POPDC2: variants seen among roughly 807,000 people sequenced by gnomAD.
POPDC2 encodes the protein popeye domain cAMP effector 2, also known as popeye domain-containing protein 2.
POPDC2 carries 24 observed loss-of-function variants against 30.5 expected under a neutral mutation model. The ratio of observed to expected loss-of-function variants is 0.79; its 90% confidence interval spans 0.57 to 1.11. The LOEUF (loss-of-function observed/expected upper bound fraction) is 1.11. POPDC2 is among the 50% of genes least tolerant of loss of function. The pLI is 0.00. For synonymous variants in POPDC2, 185 were observed against 183.3 expected, an observed-to-expected ratio of 1.01 and a Z score of -0.07; for missense variants, 409 against 447.0, an observed-to-expected ratio of 0.91 and a Z score of 0.77.
chr3:119,650,173 G>A (rs986153369), intron 2 of POPDC2, among the ~76,000 whole-genome samples: 2 of 152,254 alleles, frequency 1.3e-5, no homozygotes, highest in East Asian at 1.9e-4. Context: ...CAAGAACTAC[G>A]CCGAATGTAA....
In POPDC2 at chr3:119,642,423, T is replaced by C; in HGVS notation, c.*182A>G. ...GAGGCATGCCTATCAGTGGCCATTCTGTGAACACAGAAGAGAGCTGCGCTG... is the reference window on the plus strand; with the variant it reads ...GAGGCATGCCTATCAGTGGCCATTCCGTGAACACAGAAGAGAGCTGCGCTG... On this transcript the variant is annotated 3_prime_UTR_variant, in exon 4 of 4. Transcript: ENST00000493094. The C allele has an allele frequency of 1.5e-6, 2 of 1,324,240 alleles. No homozygotes were observed. Among genetic ancestry groups the C allele is most frequent in the Admixed American group, 3.5e-5 (2 of 57,302 alleles). 82.0% of individuals were successfully genotyped at this position (1,324,240 alleles called of 1,614,324 possible). A position where few individuals can be genotyped will look rare whatever the true frequency, so the allele number is the denominator to read the frequency against.
At position 119,644,196 on chromosome 3, in the gene POPDC2, T is replaced by C. The variant is rs145470020; in HGVS notation, c.*44-1635A>G. Among the ~76,000 whole-genome samples the C allele has an allele frequency of 3.3e-5, 5 of 152,300 alleles. No individual in the cohort carries two copies. The East Asian group carries it at 5.8e-4, about 18-fold the overall frequency. The stretch of plus-strand genomic sequence containing the variant: ...GTTCATCATTTGCTTATTTAAATAA[T>C]AGGGAGAAAAGAAACAGTATAGTTT... On this transcript the variant is annotated intron_variant, in intron 3 of 3. Transcript: ENST00000493094.
intron 1 of POPDC2, among the ~76,000 whole-genome samples, chr3:119,658,779 A>AAG (rs1459798168): frequency 2.6e-5 from 4 of 152,170 alleles, no homozygotes; most frequent in African/African-American, 9.7e-5. Flanking sequence ...AAATCAAAAC[A>AAG]TATATACATG....
At chr3:119,644,522 A>G (rs1257345806) in intron 3 of POPDC2, among the ~76,000 whole-genome samples, 1 of 152,212 alleles carries the variant, frequency 6.6e-6, no homozygotes, top group East Asian at 1.9e-4. Context: ...GAGAAGCAGC[A>G]CCCATTTTTT....
At position 119,660,426 on chromosome 3, in the gene POPDC2, T is replaced by C. The variant is rs775789800; in HGVS notation, c.-3A>G. The C allele has an allele frequency of 6.8e-6, 11 of 1,608,480 alleles. No homozygotes were observed. Among genetic ancestry groups the C allele is most frequent in the Admixed American group, 3.3e-5 (2 of 59,766 alleles). On this transcript the variant is annotated 5_prime_UTR_variant, in exon 1 of 4. Transcript: ENST00000493094. Reference sequence around the variant, plus strand: ...ACTCTGCTGCTGTTGGCGCTCATCTTTGGGGCCTCTCAAAGCCTCACTGGG... The same window carrying C: ...ACTCTGCTGCTGTTGGCGCTCATCTCTGGGGCCTCTCAAAGCCTCACTGGG...
At chr3:119,646,275 A>T (rs1317703622) in intron 3 of POPDC2, among the ~76,000 whole-genome samples, 1 of 152,208 alleles carries the variant, frequency 6.6e-6, no homozygotes. Flanking sequence ...AAAATGGAAG[A>T]AAACAAGAGA....
chr3:119,651,256 C>T (rs2052804731), intron 2 of POPDC2, among the ~76,000 whole-genome samples: 2 of 152,138 alleles, frequency 1.3e-5, no homozygotes, highest in Admixed American at 6.5e-5. Flanking sequence ...TCACAGACCT[C>T]ACCTGTCATC....
chr3:119,648,062 C>CT, intron 3 of POPDC2, 57 bp downstream of exon 3: 1 of 1,337,230 alleles, frequency 7.5e-7, no homozygotes, highest in African/African-American at 1.5e-5. Context: ...CCCTAACAAG[C>CT]TGAGTTAAGG....
chr3:119,645,566 CAA>C (rs201320482), intron 3 of POPDC2, among the ~76,000 whole-genome samples: 9 of 115,378 alleles, frequency 7.8e-5, no homozygotes, highest in East Asian at 2.9e-4. Flanking sequence ...CCGTCTCAAA[CAA>C]AAAAAAAAAA....
At chr3:119,644,983 G>C (rs1034185503) in intron 3 of POPDC2, among the ~76,000 whole-genome samples, 10 of 152,206 alleles carry the variant, frequency 6.6e-5, no homozygotes, top group Non-Finnish European at 1.3e-4. Context: ...AAAACTATCA[G>C]AAGTTTGGCT....
Position 119,648,525 on chromosome 3 carries a change from G to A in POPDC2, c.744C>T (p.Leu248=), listed in dbSNP as rs2052770785. ...GYDISEKLYT[L]NDKLFAKFGL... ...CAAACTTAGCAAAGAGCTTGTCATT[G>A]AGAGTGTAGAGCTTCTCTGAGATGT... is the stretch of plus-strand genomic sequence containing the variant. Residue 248 remains leucine (L), a synonymous_variant, in exon 3 of 4, where the codon CTC becomes CTT. Coordinates refer to ENST00000493094, the MANE Select transcript of POPDC2 (RefSeq NM_001369919.2). 1 of 1,614,042 alleles carries A rather than the reference G, an allele frequency of 6.2e-7. No homozygotes were observed. The highest frequency in any genetic ancestry group is 8.5e-7 in the Non-Finnish European group (1 of 1,180,030).
intron 3 of POPDC2, 27 bp downstream of exon 3, chr3:119,648,092 T>C: frequency 1.4e-6 from 2 of 1,428,804 alleles, no homozygotes; most frequent in Non-Finnish European, 1.8e-6. Flanking sequence ...GACAGGAATG[T>C]GCAGCGGCTG....
rs752956506 is a variant in POPDC2 at position 119,660,373 on chromosome 3, C to G, written c.51G>C (p.Ala17=). Residue 17 remains alanine, a synonymous_variant, in exon 1 of 4, where the codon GCG becomes GCC. Transcript: ENST00000493094. ...RVGQLLLQGS[A]CIRWKQDVEG... is the part of the protein sequence containing the mutation. ...CCACATCCTGCTTCCACCTAATGCA[C>G]GCTGAACCCTGCAAGAGAAGCTGGC... The G allele has an allele frequency of 8.7e-6, 14 of 1,613,962 alleles. No individual in the cohort carries two copies. Among genetic ancestry groups the G allele is most frequent in the African/African-American group, 1.3e-5 (1 of 74,918 alleles).
chr3:119,657,785 C>T (rs79697144), intron 1 of POPDC2, among the ~76,000 whole-genome samples: 3,230 of 152,292 alleles, frequency 0.021, 44 homozygotes, highest in Middle Eastern at 0.071. Context: ...TCATCTGTTT[C>T]TTCTTCCTTC....
In POPDC2 at chr3:119,642,150, C is replaced by T. The variant is rs1223421068; in HGVS notation, c.*455G>A. On this transcript the variant is annotated 3_prime_UTR_variant, in exon 4 of 4. Coordinates refer to ENST00000493094, the MANE Select transcript of POPDC2 (RefSeq NM_001369919.2). Reference sequence around the variant, plus strand: ...AACTCATTGGATCCTCACAACAACCCTGTGAGGTGGGTTTCATAACCCCCA... The same window carrying T: ...AACTCATTGGATCCTCACAACAACCTTGTGAGGTGGGTTTCATAACCCCCA... 5.0e-6 allele frequency: 1 copy of T among 200,016 alleles called. No homozygotes were observed. The highest frequency in any genetic ancestry group is 1.0e-5 in the Non-Finnish European group (1 of 96,264). 12.4% of individuals were successfully genotyped at this position (200,016 alleles called of 1,614,324 possible). A position where few individuals can be genotyped will look rare whatever the true frequency, so the allele number is the denominator to read the frequency against.
At position 119,648,373 on chromosome 3, in the gene POPDC2, G is replaced by A; in HGVS notation, c.896C>T (p.Ala299Val). The change falls in exon 3 of 4, where the codon GCC becomes GTC. Residue 299 changes from alanine (A) to valine (V), a missense_variant. Transcript: ENST00000493094. ...TGTTTGCTGGAGAGAGGTGGGTGTG[G>A]CCTGAGGAGGGGACACAGCTGGCTC... The part of the protein sequence containing the change: ...VCEPAVSPPQ[A>V]TPTSLQQTPP... 1 of 1,614,152 alleles carries A rather than the reference G, an allele frequency of 6.2e-7. No individual in the cohort carries two copies.
rs2052696816 is a variant in POPDC2 at position 119,642,115 on chromosome 3, T to C, written c.*490A>G. ...GGTGCCACGGCATGTGCTAGGTGCT[T>C]ACCTAAATCAACTCATTGGATCCTC... On this transcript the variant is annotated 3_prime_UTR_variant, in exon 4 of 4. Coordinates refer to ENST00000493094, the MANE Select transcript of POPDC2 (RefSeq NM_001369919.2). 1 of 171,676 alleles carries C rather than the reference T, an allele frequency of 5.8e-6. No individual in the cohort carries two copies. The highest frequency in any genetic ancestry group is 2.4e-5 in the African/African-American group (1 of 42,430). 10.6% of individuals were successfully genotyped at this position (171,676 alleles called of 1,614,324 possible).
intron 2 of POPDC2, among the ~76,000 whole-genome samples, chr3:119,654,003 T>A (rs1248653010): frequency 6.6e-6 from 1 of 151,804 alleles, no homozygotes; most frequent in Non-Finnish European, 1.5e-5. Flanking sequence ...GGTGAGGCTG[T>A]GGGGTGGAAG....
At chr3:119,654,097 T>C (rs895846087) in intron 2 of POPDC2, among the ~76,000 whole-genome samples, 1 of 152,068 alleles carries the variant, frequency 6.6e-6, no homozygotes, top group South Asian at 2.1e-4. Flanking sequence ...GGCCAAGGCA[T>C]AGAGCTGCAA....
Sources: gnomAD v4.1 joint callset for allele counts (sites outside exome capture counted in the v4.1 genomes callset) on GRCh38, gnomAD v4.1.1 for gene constraint, MANE v1.5 for transcripts, NCBI Gene and HGNC (gene_info 2026-07-23, HGNC 2026-07-21) for gene names.